Variants in DTD1 observed in about 807,000 individuals in gnomAD.
DTD1 encodes D-aminoacyl-tRNA deacylase 1, also known as D-tyrosyl-tRNA deacylase 1 homolog.
Under a neutral mutation model 25.6 loss-of-function variants are expected in DTD1, and 13 were observed. The observed-to-expected ratio is 0.51, with a 90% CI of 0.33 to 0.81. DTD1 has a LOEUF of 0.81. DTD1 is among the 30% of genes least tolerant of loss of function. The pLI is 0.02. For missense variants in DTD1, 193 were observed against 266.4 expected (o/e 0.72, Z 1.92); for synonymous variants, 110 against 103.6 (o/e 1.06, Z -0.37).
chr20:18,632,214 C>G (rs770920209), intron 4 of DTD1: 1 of 985,384 alleles, frequency 1.0e-6, no homozygotes, highest in Middle Eastern at 5.2e-4. Context: ...TCTAACGAGC[C>G]ATGTTAACTT....
At chr20:18,660,684 A>C (rs2060906546) in intron 4 of DTD1, among the ~76,000 whole-genome samples, 1 of 152,224 alleles carries the variant, frequency 6.6e-6, no homozygotes. Context: ...TGAAATATAA[A>C]ATATTAAATA....
At chr20:18,756,100 C>G (rs1276837882) in intron 5 of DTD1, among the ~76,000 whole-genome samples, 5 of 151,980 alleles carry the variant, frequency 3.3e-5, no homozygotes, top group Non-Finnish European at 7.4e-5. Flanking sequence ...TATCCTTCGC[C>G]CACTTTTTGA....
At chr20:18,739,858 A>G (rs920308463) in intron 4 of DTD1, among the ~76,000 whole-genome samples, 11 of 152,242 alleles carry the variant, frequency 7.2e-5, no homozygotes, top group African/African-American at 1.2e-4. Flanking sequence ...TTAGTTCACA[A>G]TGTTCTCACA....
intron 5 of DTD1, among the ~76,000 whole-genome samples, chr20:18,751,870 TTG>T (rs1479516580): frequency 9.3e-5 from 14 of 150,236 alleles, no homozygotes; most frequent in African/African-American, 1.5e-4. Context: ...GTTGTTGTTG[TTG>T]TTTTAATTTG....
intron 2 of DTD1, among the ~76,000 whole-genome samples, 159 bp from the exon 3 acceptor site, chr20:18,595,847 G>C (rs1007720342): frequency 2.6e-5 from 4 of 152,152 alleles, no homozygotes; most frequent in Non-Finnish European, 4.4e-5. Flanking sequence ...CTGAAGCACA[G>C]GGTGGATAAG....
At chr20:18,596,843 G>A (rs1429797771) in intron 3 of DTD1, among the ~76,000 whole-genome samples, 2 of 151,660 alleles carry the variant, frequency 1.3e-5, no homozygotes, top group South Asian at 2.1e-4. Flanking sequence ...CGCATGCATA[G>A]GCTCACTCAT....
At chr20:18,744,829 G>C (rs2061294057) in intron 5 of DTD1, among the ~76,000 whole-genome samples, 1 of 151,864 alleles carries the variant, frequency 6.6e-6, no homozygotes, top group Non-Finnish European at 1.5e-5. Context: ...TGGGAATTAT[G>C]GGAGCTACAA....
At chr20:18,621,588 A>G (rs1269971855) in intron 3 of DTD1, among the ~76,000 whole-genome samples, 2 of 152,146 alleles carry the variant, frequency 1.3e-5, no homozygotes, top group Admixed American at 6.5e-5. Context: ...TATTCCATAT[A>G]TATATTTGCA....
intron 4 of DTD1, among the ~76,000 whole-genome samples, chr20:18,686,473 T>C (rs2061016936): frequency 6.6e-6 from 1 of 152,344 alleles, no homozygotes; most frequent in South Asian, 2.1e-4. Flanking sequence ...AAAAAGTTTA[T>C]AATTTACCTT....
At chr20:18,599,122 A>G (rs2060623354) in intron 3 of DTD1, among the ~76,000 whole-genome samples, 1 of 152,124 alleles carries the variant, frequency 6.6e-6, no homozygotes, top group Admixed American at 6.6e-5. Context: ...ATTGTTTCCA[A>G]GTTTAGGCAG....
At chr20:18,733,122 C>T (rs757104550) in intron 4 of DTD1, among the ~76,000 whole-genome samples, 14 of 152,202 alleles carry the variant, frequency 9.2e-5, no homozygotes, top group African/African-American at 2.6e-4. Flanking sequence ...TAAAAGGGCA[C>T]GTTAACCATC....
intron 5 of DTD1, among the ~76,000 whole-genome samples, chr20:18,762,474 C>T (rs138259732): frequency 1.1e-4 from 17 of 152,282 alleles, no homozygotes; most frequent in Non-Finnish European, 1.9e-4. Context: ...TTTAAAATGT[C>T]GCAAGACTAA....
At chr20:18,719,718 C>T (rs574209390) in intron 4 of DTD1, among the ~76,000 whole-genome samples, 6 of 152,372 alleles carry the variant, frequency 3.9e-5, no homozygotes, top group Admixed American at 6.5e-5. Context: ...GCATGCCCCT[C>T]CTGTCCCTTG....
At chr20:18,664,547 C>G (rs2060924276) in intron 4 of DTD1, among the ~76,000 whole-genome samples, 1 of 152,102 alleles carries the variant, frequency 6.6e-6, no homozygotes, top group Non-Finnish European at 1.5e-5. Flanking sequence ...TGATGCTGTC[C>G]TGAATCCATG....
intron 5 of DTD1, among the ~76,000 whole-genome samples, chr20:18,745,493 C>T (rs6112085): frequency 0.41 from 62,652 of 151,936 alleles, 13,404 homozygotes; most frequent in African/African-American, 0.52. Flanking sequence ...GGAGTGTGAA[C>T]AGGTGTGGGG....
At chr20:18,675,617 T>C (rs932604742) in intron 4 of DTD1, 2 of 152,132 alleles carry the variant, frequency 1.3e-5, no homozygotes, top group Non-Finnish European at 2.9e-5. Context: ...TACTTAATCT[T>C]GTTTTTAAAA....
intron 3 of DTD1, among the ~76,000 whole-genome samples, chr20:18,598,199 A>G (rs951669193): frequency 1.3e-5 from 2 of 150,468 alleles, no homozygotes; most frequent in Non-Finnish European, 3.0e-5. Flanking sequence ...TCCTTATTCA[A>G]CTCCCACTTA....
chr20:18,625,752 C>T (rs962484436), intron 3 of DTD1, among the ~76,000 whole-genome samples: 7 of 152,244 alleles, frequency 4.6e-5, no homozygotes, highest in Non-Finnish European at 8.8e-5. Context: ...AGCCTCCTGC[C>T]TGCTCAGGTT....
At chr20:18,700,706 T>C (rs1369812447) in intron 4 of DTD1, among the ~76,000 whole-genome samples, 2 of 152,072 alleles carry the variant, frequency 1.3e-5, no homozygotes, top group Non-Finnish European at 2.9e-5. Flanking sequence ...GTCAGTGGCA[T>C]GGTGGAGGTG....
Sources: gnomAD v4.1 joint callset for allele counts (sites outside exome capture counted in the v4.1 genomes callset) on GRCh38, gnomAD v4.1.1 for gene constraint, MANE v1.5 for transcripts, NCBI Gene and HGNC (gene_info 2026-07-23, HGNC 2026-07-21) for gene names.